ARHGAP44: variants seen among roughly 807,000 people sequenced by gnomAD.
The protein encoded by ARHGAP44 is Rho GTPase activating protein 44, also known as rho GTPase-activating protein 44.
ARHGAP44 carries 43 observed loss-of-function variants against 106.8 expected under a neutral mutation model. The ratio of observed to expected loss-of-function variants is 0.40; its 90% CI spans 0.32 to 0.52. ARHGAP44 has a LOEUF of 0.52. Ranked by LOEUF, ARHGAP44 falls within the 20% of genes least tolerant of loss-of-function variation. The probability of loss-of-function intolerance (pLI) is 0.48; values close to 1 mark genes in which losing one functional copy is unlikely to be tolerated. For synonymous variants in ARHGAP44, 439 were observed against 410.3 expected (o/e 1.07, Z -0.85); for missense variants, 866 against 1,050.5 (o/e 0.82, Z 2.43).
chr17:12,948,020 G>A (rs2038897975), intron 10 of ARHGAP44, among the ~76,000 whole-genome samples: 1 of 152,188 alleles, frequency 6.6e-6, no homozygotes, highest in Non-Finnish European at 1.5e-5. Flanking sequence ...AAGATTAAAG[G>A]AGTAAGGACT....
chr17:12,912,006 A>G (rs7221396), intron 4 of ARHGAP44, among the ~76,000 whole-genome samples: 110,647 of 152,142 alleles, frequency 0.73, 40,511 homozygotes, highest in East Asian at 0.98. Context: ...CATACTCTGA[A>G]CTTTTTAGTC....
chr17:12,987,864 C>T (rs1301072996), intron 20 of ARHGAP44: 1 of 152,158 alleles, frequency 6.6e-6, no homozygotes, highest in Non-Finnish European at 1.5e-5. Flanking sequence ...TTGGTCTCCT[C>T]CTCCTATAAA....
intron 7 of ARHGAP44, among the ~76,000 whole-genome samples, chr17:12,935,412 A>G (rs1306913958): frequency 6.6e-6 from 1 of 152,144 alleles, no homozygotes; most frequent in East Asian, 1.9e-4. Context: ...TCTACTAAAA[A>G]TACAAAAATT....
At chr17:12,822,743 C>T (rs953144866) in intron 1 of ARHGAP44, among the ~76,000 whole-genome samples, 2 of 152,172 alleles carry the variant, frequency 1.3e-5, no homozygotes, top group Non-Finnish European at 2.9e-5. Context: ...GCCCTCCTTG[C>T]CTGGCTACTC....
At chr17:12,946,203 C>G (rs2038847329) in intron 10 of ARHGAP44, among the ~76,000 whole-genome samples, 1 of 152,192 alleles carries the variant, frequency 6.6e-6, no homozygotes, top group Non-Finnish European at 1.5e-5. Context: ...AGCCTTACCA[C>G]TCAGTTTATG....
intron 1 of ARHGAP44, among the ~76,000 whole-genome samples, chr17:12,831,270 A>G (rs1331041804): frequency 6.6e-6 from 1 of 151,954 alleles, no homozygotes; most frequent in Non-Finnish European, 1.5e-5. Context: ...TGGCTGCCGG[A>G]CTCCAGACAC....
intron 18 of ARHGAP44, among the ~76,000 whole-genome samples, chr17:12,979,096 C>T (rs774064293): frequency 1.1e-4 from 16 of 152,172 alleles, no homozygotes; most frequent in African/African-American, 1.2e-4. Context: ...GGTTCTAGCA[C>T]GGATGACAGA....
intron 1 of ARHGAP44, among the ~76,000 whole-genome samples, chr17:12,799,221 C>T (rs776374455): frequency 1.3e-5 from 2 of 152,024 alleles, no homozygotes; most frequent in African/African-American, 2.4e-5. Flanking sequence ...TGTTCTTTTC[C>T]TGGTCTTTAG....
At chr17:12,988,013 A>G (rs2040002443) in intron 20 of ARHGAP44, 1 of 152,196 alleles carries the variant, frequency 6.6e-6, no homozygotes, top group Non-Finnish European at 1.5e-5. Context: ...TGCAGAGACT[A>G]CCGAGGCGCA....
intron 1 of ARHGAP44, among the ~76,000 whole-genome samples, chr17:12,828,028 C>CAAAA (rs60301804): frequency 4.1e-5 from 3 of 73,910 alleles, no homozygotes; most frequent in Admixed American, 3.4e-4. Context: ...CTGGCCATCT[C>CAAAA]AAAAAAAAAA....
rs534861933 is a variant in ARHGAP44, at chr17:12,948,090, GA to G, written c.862-1047del. Among the ~76,000 whole-genome samples, 1,010 of 152,328 alleles carry G rather than the reference GA, an allele frequency of 6.6e-3. 4 individuals carry two copies. The highest frequency in any genetic ancestry group is 0.013 in the South Asian group (65 of 4,830). On this transcript the variant is annotated intron_variant, in intron 10 of 20. Transcript: ENST00000379672. ...ATTACAGAATGCAAGGAACTAAGAT[GA>G]AACAGAAACCGATAGGTCTTTAACC...
At chr17:12,939,579 C>T (rs58635161) in intron 7 of ARHGAP44, among the ~76,000 whole-genome samples, 2,884 of 152,248 alleles carry the variant, frequency 0.019, 70 homozygotes, top group African/African-American at 0.064. Flanking sequence ...CATTCTCCTG[C>T]TTCAGCCTCC....
chr17:12,856,195 A>G (rs1184403111), intron 1 of ARHGAP44, among the ~76,000 whole-genome samples: 2 of 152,120 alleles, frequency 1.3e-5, no homozygotes, highest in African/African-American at 4.8e-5. Flanking sequence ...TGGTCCATTG[A>G]AGCCACTGGC....
rs544779553 is a variant in ARHGAP44, at chr17:12,895,160, AC to A, written c.93+182del. ...AAACAAAAAACAAACAAATAAAAAA[AC>A]AAACAACCAAAAAAACCAAAAAACT... is the stretch of plus-strand genomic sequence containing the variant. On this transcript the variant is annotated intron_variant, in intron 2 of 20. Transcript: ENST00000379672. Among the ~76,000 whole-genome samples, 289 of 151,150 alleles carry A rather than the reference AC, an allele frequency of 1.9e-3. 1 individual carries two copies. Among genetic ancestry groups the A allele is most frequent in the African/African-American group, 6.7e-3 (274 of 41,136 alleles).
chr17:12,978,502 G>A (rs2039750716), intron 18 of ARHGAP44, among the ~76,000 whole-genome samples: 1 of 152,216 alleles, frequency 6.6e-6, no homozygotes, highest in Non-Finnish European at 1.5e-5. Flanking sequence ...CTTTGCATGA[G>A]GAAAATGACC....
Position 12,909,457 on chromosome 17 carries a change from C to T in ARHGAP44, c.275+484C>T, listed in dbSNP as rs140186928. The stretch of plus-strand genomic sequence containing the variant: ...AAATGGAAATTTTAAAATTAAAAAA[C>T]AGAATCCTTGACAAGAGAATCAAAC... On this transcript the variant is annotated intron_variant, in intron 4 of 20. Coordinates refer to ENST00000379672, the MANE Select transcript of ARHGAP44 (RefSeq NM_014859.6). Among the ~76,000 whole-genome samples, 4 of 152,018 alleles carry T rather than the reference C, an allele frequency of 2.6e-5. No homozygotes were observed. In the East Asian group the frequency reaches 7.7e-4, roughly 29 times the overall value.
intron 3 of ARHGAP44, among the ~76,000 whole-genome samples, chr17:12,898,178 A>C (rs11652958): frequency 6.6e-6 from 1 of 151,784 alleles, no homozygotes; most frequent in Non-Finnish European, 1.5e-5. Flanking sequence ...TCTGCAGCAG[A>C]TATAGGATTG....
In ARHGAP44 at chr17:12,990,310, A is replaced by G; in HGVS notation, c.*139A>G. On this transcript the variant is annotated 3_prime_UTR_variant, in exon 21 of 21. Coordinates refer to ENST00000379672, the MANE Select transcript of ARHGAP44 (RefSeq NM_014859.6). ...TGCCAACACGAGGTTGGAATTTGGC[A>G]GAAAATTGTGATCTCCAGTCCGTGT... 1 of 1,200,366 alleles carries G rather than the reference A, an allele frequency of 8.3e-7. No individual in the cohort carries two copies. The highest frequency in any genetic ancestry group is 1.1e-6 in the Non-Finnish European group (1 of 876,650). The allele number at this position is 1,200,366 out of a possible 1,614,324, so 74.4% of individuals were successfully genotyped here.
chr17:12,926,893 T>C (rs1168736666), intron 6 of ARHGAP44, among the ~76,000 whole-genome samples: 4 of 152,218 alleles, frequency 2.6e-5, no homozygotes, highest in African/African-American at 4.8e-5. Context: ...TCTACCATTG[T>C]GTTGTAGTTA....
Sources: gnomAD v4.1 joint callset for allele counts (sites outside exome capture counted in the v4.1 genomes callset) on GRCh38, gnomAD v4.1.1 for gene constraint, MANE v1.5 for transcripts, NCBI Gene and HGNC (gene_info 2026-07-23, HGNC 2026-07-21) for gene names.